WWTR1: variants seen among roughly 807,000 people sequenced by gnomAD.
WWTR1 encodes WW domain-containing transcription regulator protein 1.
Under a neutral mutation model 40.1 loss-of-function variants are expected in WWTR1, and 13 were observed. That is an observed-to-expected ratio of 0.32 (90% CI 0.21 to 0.52). The LOEUF is 0.52. Ranked by LOEUF, WWTR1 falls within the 20% of genes least tolerant of loss-of-function variation. The pLI is 0.97. For missense variants in WWTR1, 436 were observed against 523.1 expected (o/e 0.83, Z 1.63); for synonymous variants, 230 against 210.1 (o/e 1.09, Z -0.82).
intron 3 of WWTR1, among the ~76,000 whole-genome samples, chr3:149,552,866 A>G (rs1736669524): frequency 6.6e-6 from 1 of 152,208 alleles, no homozygotes; most frequent in South Asian, 2.1e-4. Context: ...TCATCAGCTG[A>G]GGAAATTAGC....
intron 4 of WWTR1, among the ~76,000 whole-genome samples, chr3:149,537,217 A>C (rs1016941973): frequency 6.6e-6 from 1 of 152,328 alleles, no homozygotes; most frequent in Non-Finnish European, 1.5e-5. Context: ...TGACATTTAA[A>C]AATTTATGTA....
intron 4 of WWTR1, among the ~76,000 whole-genome samples, chr3:149,534,210 GTGTTAT>G (rs1735721814): frequency 6.6e-6 from 1 of 152,020 alleles, no homozygotes; most frequent in African/African-American, 2.4e-5. Context: ...AAAGAAAAAC[GTGTTAT>G]TTCATCTCTT....
chr3:149,636,588 C>T (rs1055675116), intron 2 of WWTR1, among the ~76,000 whole-genome samples: 4 of 152,016 alleles, frequency 2.6e-5, no homozygotes, highest in Non-Finnish European at 5.9e-5. Context: ...GTAAAATATA[C>T]ATTATATGTA....
chr3:149,708,246 T>C (rs1715383623), upstream of WWTR1, among the ~76,000 whole-genome samples: 1 of 152,004 alleles, frequency 6.6e-6, no homozygotes, highest in Non-Finnish European at 1.5e-5. Flanking sequence ...ACAACATTTT[T>C]TTTCTTGTTG....
rs79675323 is a variant in WWTR1 at position 149,637,754 on chromosome 3, G to A, written c.431+19122C>T. 1.1e-4 allele frequency among the ~76,000 whole-genome samples: 16 copies of A among 152,312 alleles called. No individual in the cohort carries two copies. The East Asian group carries it at 2.9e-3, about 28-fold the overall frequency. ...TAGATCAAATTACTATGGGGATCTG[G>A]AGTAGGAGGAGATCCCTTCTAGTTG... On this transcript the variant is annotated intron_variant, in intron 2 of 6. Transcript: ENST00000360632.
Position 149,526,047 on chromosome 3 carries a change from C to T in WWTR1, c.984G>A (p.Glu328=). The change falls in exon 6 of 7, where the codon GAG becomes GAA. Residue 328 remains glutamate, a synonymous_variant. Transcript: ENST00000360632. ...LGCYSVPTTP[E]DFLSNVDEMD... ...TCTCATCCACATTGCTGAGGAAGTC[C>T]TCCGGAGTTGTGGGGACACTGTAGC... 1 of 1,608,318 alleles carries T rather than the reference C, an allele frequency of 6.2e-7. No individual in the cohort carries two copies. The highest frequency in any genetic ancestry group is 8.5e-7 in the Non-Finnish European group (1 of 1,176,872).
chr3:149,594,476 G>A (rs1738882624), intron 2 of WWTR1, among the ~76,000 whole-genome samples: 1 of 152,030 alleles, frequency 6.6e-6, no homozygotes, highest in Non-Finnish European at 1.5e-5. Context: ...ATCCTGATAA[G>A]ATACAATAAG....
chr3:149,580,355 G>T (rs867756664), intron 2 of WWTR1, among the ~76,000 whole-genome samples: 1 of 152,146 alleles, frequency 6.6e-6, no homozygotes, highest in Non-Finnish European at 1.5e-5. Flanking sequence ...CCCAGGCCCA[G>T]ATGCACACTT....
In WWTR1 at chr3:149,592,452, G is replaced by A. The variant is rs548069983; in HGVS notation, c.432-19452C>T. Reference sequence around the variant, plus strand: ...GACCAGAACTAAAAAAACTACAGGCGTTCCTATCCAAAGGCACTGAATAAA... The same window carrying A: ...GACCAGAACTAAAAAAACTACAGGCATTCCTATCCAAAGGCACTGAATAAA... On this transcript the variant is annotated intron_variant, in intron 2 of 6. Coordinates refer to ENST00000360632, the MANE Select transcript of WWTR1 (RefSeq NM_015472.6). Among the ~76,000 whole-genome samples, 9 of 152,212 alleles carry A rather than the reference G, an allele frequency of 5.9e-5. No individual in the cohort carries two copies. In the East Asian group the frequency reaches 1.4e-3, roughly 23 times the overall value.
At chr3:149,617,158 G>A (rs757924792) in intron 2 of WWTR1, among the ~76,000 whole-genome samples, 1 of 152,222 alleles carries the variant, frequency 6.6e-6, no homozygotes, top group East Asian at 1.9e-4. Flanking sequence ...AAGATAGCTG[G>A]TTTCCATTTA....
chr3:149,653,260 T>G (rs1035686889), intron 2 of WWTR1, among the ~76,000 whole-genome samples: 1 of 152,224 alleles, frequency 6.6e-6, no homozygotes, highest in Non-Finnish European at 1.5e-5. Context: ...TGTATTCTAT[T>G]TATAATCAGA....
At chr3:149,545,210 G>T (rs1736308142) in intron 3 of WWTR1, among the ~76,000 whole-genome samples, 1 of 152,156 alleles carries the variant, frequency 6.6e-6, no homozygotes, top group Non-Finnish European at 1.5e-5. Flanking sequence ...TGCACAGATG[G>T]TGTCGCAGGG....
At chr3:149,671,164 A>G (rs1714075638) in intron 1 of WWTR1, among the ~76,000 whole-genome samples, 1 of 152,142 alleles carries the variant, frequency 6.6e-6, no homozygotes, top group South Asian at 2.1e-4. Flanking sequence ...CAAGAAGGGA[A>G]CACTTTTGAA....
At chr3:149,622,532 A>AGAAAGAAAGAAAGAAG (rs1264503483) in intron 2 of WWTR1, among the ~76,000 whole-genome samples, 1 of 151,250 alleles carries the variant, frequency 6.6e-6, no homozygotes, top group Non-Finnish European at 1.5e-5. Flanking sequence ...AAAGAAAGAA[A>AGAAAGAAAGAAAGAAG]GAAAGAAAGA....
intron 3 of WWTR1, among the ~76,000 whole-genome samples, chr3:149,550,495 A>C (rs187682212): frequency 6.6e-6 from 1 of 152,220 alleles, no homozygotes; most frequent in African/African-American, 2.4e-5. Context: ...ATGCTGGTCC[A>C]CTGTAACTCA....
chr3:149,639,964 A>C (rs939818775), intron 2 of WWTR1, among the ~76,000 whole-genome samples: 1 of 143,576 alleles, frequency 7.0e-6, no homozygotes, highest in Admixed American at 7.3e-5. Flanking sequence ...ACTGCACTCC[A>C]GCCTGGGCTA....
At chr3:149,666,148 C>T (rs935759598) in intron 2 of WWTR1, among the ~76,000 whole-genome samples, 1 of 152,188 alleles carries the variant, frequency 6.6e-6, no homozygotes, top group Non-Finnish European at 1.5e-5. Flanking sequence ...GTTCAAGCCA[C>T]TGCTCTTCCT....
chr3:149,670,883 T>G (rs1261374802), intron 1 of WWTR1: 7 of 152,132 alleles, frequency 4.6e-5, no homozygotes. Flanking sequence ...ATACACATTC[T>G]GAAGAAAAGG....
At chr3:149,701,897 G>T (rs959614746) in intron 1 of WWTR1, 5 of 177,774 alleles carry the variant, frequency 2.8e-5, no homozygotes, top group Non-Finnish European at 6.0e-5. Flanking sequence ...CTTCCCCCCA[G>T]CCTTTGCCTC....
Sources: allele counts gnomAD v4.1 joint callset (sites outside exome capture counted in the v4.1 genomes callset), GRCh38; gene constraint gnomAD v4.1.1; transcripts MANE v1.5; gene names NCBI Gene and HGNC (gene_info 2026-07-23, HGNC 2026-07-21).